The following GABRA3 variants were observed in gnomAD, a reference collection of about 807,000 sequenced individuals.
GABRA3 encodes gamma-aminobutyric acid receptor subunit alpha-3.
Under a neutral mutation model 30.1 loss-of-function variants are expected in GABRA3, and 10 were observed. The observed-to-expected ratio is 0.33, with a 90% CI of 0.20 to 0.56. The LOEUF is 0.56. Among genes scored for constraint, GABRA3 ranks in the 20% least tolerant of loss-of-function variants. The pLI is 0.89. For missense variants in GABRA3, 233 were observed against 392.0 expected (o/e 0.59, Z 3.42); for synonymous variants, 151 against 146.8 (o/e 1.03, Z -0.21).
intron 3 of GABRA3, among the ~76,000 whole-genome samples, chrX:152,303,760 A>G (rs1173313450): frequency 1.8e-5 from 2 of 109,508 alleles, no homozygotes; most frequent in East Asian, 2.9e-4. Context: ...GAGTTGAACA[A>G]TGAGAACACA....
intron 2 of GABRA3, among the ~76,000 whole-genome samples, chrX:152,353,979 TC>T (rs1940514330): frequency 8.9e-6 from 1 of 111,786 alleles, no homozygotes; most frequent in Non-Finnish European, 1.9e-5. Context: ...AAATTACATT[TC>T]TTATTTCTCC....
intron 1 of GABRA3, among the ~76,000 whole-genome samples, chrX:152,444,784 G>A (rs1347617067): frequency 9.8e-5 from 8 of 81,508 alleles, no homozygotes; most frequent in African/African-American, 3.6e-4. Flanking sequence ...TTTTTTGGCC[G>A]GGCGCGGTGG....
intron 1 of GABRA3, among the ~76,000 whole-genome samples, chrX:152,374,337 C>CTTTTTTTTTTTTT (rs55927249): frequency 2.4e-5 from 1 of 41,678 alleles, no homozygotes; most frequent in African/African-American, 9.7e-5. Context: ...CTTTTCTTTT[C>CTTTTTTTTTTTTT]TTTTTTTTTT....
chrX:152,214,370 G>A (rs57210554), intron 6 of GABRA3, among the ~76,000 whole-genome samples: 8,297 of 110,887 alleles, frequency 0.075, 642 homozygotes, highest in East Asian at 0.32. Context: ...CCATGACTTT[G>A]CTATTGTGAA....
At chrX:152,377,292 C>T (rs1929023667) in intron 1 of GABRA3, among the ~76,000 whole-genome samples, 1 of 111,271 alleles carries the variant, frequency 9.0e-6, no homozygotes, top group South Asian at 3.7e-4. Flanking sequence ...AAACCTTCTG[C>T]TTTCAATAAT....
At chrX:152,343,704 T>A (rs1327038704) in intron 3 of GABRA3, among the ~76,000 whole-genome samples, 1 of 112,036 alleles carries the variant, frequency 8.9e-6, no homozygotes, top group African/African-American at 3.2e-5. Flanking sequence ...CCATTATTTA[T>A]ATAAAAGCAG....
chrX:152,191,250 CAAT>C (rs1348452575), intron 8 of GABRA3, among the ~76,000 whole-genome samples: 4 of 110,409 alleles, frequency 3.6e-5, no homozygotes, highest in Non-Finnish European at 3.8e-5. Context: ...ATGTTAACAA[CAAT>C]ATTATCATAA....
At chrX:152,290,587 C>T (rs187481694) in intron 3 of GABRA3, among the ~76,000 whole-genome samples, 8 of 111,905 alleles carry the variant, frequency 7.1e-5, no homozygotes, top group African/African-American at 2.6e-4. Flanking sequence ...AAGTCCTTGC[C>T]CATGCCTATG....
chrX:152,413,958 C>A (rs1041520637), intron 1 of GABRA3, among the ~76,000 whole-genome samples: 3 of 109,166 alleles, frequency 2.7e-5, no homozygotes, highest in Non-Finnish European at 5.7e-5. Flanking sequence ...GATCAATATG[C>A]GAAAAAAAAA....
chrX:152,216,028 C>A (rs1386140824), intron 6 of GABRA3, among the ~76,000 whole-genome samples: 1 of 110,574 alleles, frequency 9.0e-6, no homozygotes, highest in Admixed American at 9.7e-5. Flanking sequence ...ATCAAAACCA[C>A]AATTAGATAT....
chrX:152,292,848 T>A (rs1939447467), intron 3 of GABRA3, among the ~76,000 whole-genome samples: 1 of 111,997 alleles, frequency 8.9e-6, no homozygotes, highest in Non-Finnish European at 1.9e-5. Context: ...AGTTTCCACG[T>A]AGCTGTGCGG....
In GABRA3 at chrX:152,432,717, C is replaced by T. The variant is rs1024368789; in HGVS notation, c.-27+18429G>A. ...ATAAAAAATAATTAATTCTTATCTT[C>T]TGCAAACAGTTCCAGAAACTGGAAA... On this transcript the variant is annotated intron_variant, in intron 1 of 9. Transcript: ENST00000370314. Among the ~76,000 whole-genome samples the T allele has an allele frequency of 7.2e-5, 8 of 111,484 alleles. No individual in the cohort carries two copies. The South Asian group carries it at 3.0e-3, about 42-fold the overall frequency.
intron 1 of GABRA3, among the ~76,000 whole-genome samples, chrX:152,408,129 G>GA (rs1451785533): frequency 3.6e-5 from 4 of 111,290 alleles, no homozygotes; most frequent in Non-Finnish European, 7.6e-5. Context: ...ACTGAGCAGG[G>GA]AAAAATGGAA....
At chrX:152,179,105 T>A (rs1937111421) in intron 9 of GABRA3, among the ~76,000 whole-genome samples, 1 of 112,236 alleles carries the variant, frequency 8.9e-6, no homozygotes, top group Non-Finnish European at 1.9e-5. Context: ...TTTGCAAATT[T>A]GCTTGCTGCA....
intron 3 of GABRA3, 71 bp from the exon 4 acceptor site, chrX:152,284,806 C>A (rs1027582778): frequency 8.1e-6 from 6 of 738,674 alleles, no homozygotes; most frequent in Middle Eastern, 3.8e-4. Context: ...GAGTCCAGTG[C>A]AGTACTCTGA....
chrX:152,186,116 A>G (rs1407017229), intron 9 of GABRA3, among the ~76,000 whole-genome samples: 2 of 112,121 alleles, frequency 1.8e-5, no homozygotes, highest in Admixed American at 1.9e-4. Flanking sequence ...CATTTGAAAA[A>G]GCAGGGTCAA....
chrX:152,241,774 G>GC (rs1172003657), intron 5 of GABRA3, among the ~76,000 whole-genome samples: 2 of 110,357 alleles, frequency 1.8e-5, no homozygotes, highest in Non-Finnish European at 3.8e-5. Flanking sequence ...TTTTCCAGGT[G>GC]CGTCCGTCAC....
intron 1 of GABRA3, among the ~76,000 whole-genome samples, chrX:152,416,741 C>G (rs1217186355): frequency 9.0e-6 from 1 of 110,825 alleles, no homozygotes; most frequent in Non-Finnish European, 1.9e-5. Flanking sequence ...ACTATCTGAT[C>G]TTTGACAAAC....
chrX:152,416,285 G>T (rs1328232387), intron 1 of GABRA3, among the ~76,000 whole-genome samples: 1 of 95,177 alleles, frequency 1.1e-5, no homozygotes, highest in East Asian at 3.3e-4. Context: ...GCTTCAAAGA[G>T]AATAAAATAC....
Sources: allele counts gnomAD v4.1 joint callset (sites outside exome capture counted in the v4.1 genomes callset), GRCh38; gene constraint gnomAD v4.1.1; transcripts MANE v1.5; gene names NCBI Gene and HGNC (gene_info 2026-07-23, HGNC 2026-07-21).